SYNE1: variants seen among roughly 807,000 people sequenced by gnomAD.
The protein encoded by SYNE1 is spectrin repeat containing nuclear envelope protein 1.
A neutral mutation model predicts 1,111.0 loss-of-function variants in SYNE1; 616 were observed. The ratio of observed to expected loss-of-function variants is 0.55; its 90% CI spans 0.52 to 0.59. The LOEUF (loss-of-function observed/expected upper bound fraction) is 0.59. Ranked by LOEUF, SYNE1 falls within the 20% of genes least tolerant of loss-of-function variation. The pLI is 0.00. For missense variants in SYNE1, 10,006 were observed against 10,417.0 expected, an observed-to-expected ratio of 0.96 and a Z score of 1.72; for synonymous variants, 3,855 against 3,825.8, an observed-to-expected ratio of 1.01 and a Z score of -0.28.
intron 3 of SYNE1, among the ~76,000 whole-genome samples, chr6:152,563,312 A>G (rs944374285): frequency 1.3e-5 from 2 of 152,164 alleles, no homozygotes; most frequent in Non-Finnish European, 2.9e-5. Context: ...CTATAAAAGC[A>G]TACTATTCTT....
chr6:152,471,233 A>C (rs557634160), intron 16 of SYNE1, among the ~76,000 whole-genome samples: 1 of 152,328 alleles, frequency 6.6e-6, no homozygotes, highest in Non-Finnish European at 1.5e-5. Context: ...ATTTTAAAAG[A>C]CATGAAGGTA....
intron 21 of SYNE1, among the ~76,000 whole-genome samples, chr6:152,459,670 G>A (rs930369424): frequency 1.3e-5 from 2 of 152,164 alleles, no homozygotes; most frequent in African/African-American, 2.4e-5. Flanking sequence ...AGAGCTCCAG[G>A]AGGTGTCTAC....
chr6:152,297,827 G>A (rs866824413), intron 93 of SYNE1, among the ~76,000 whole-genome samples: 14 of 87,220 alleles, frequency 1.6e-4, no homozygotes, highest in East Asian at 6.7e-4. Flanking sequence ...GTGTGTGCGC[G>A]CGCACGTGGC....
rs201118033 is a variant in SYNE1 at position 152,462,917 on chromosome 6, T to G, written c.2098-27A>C. On this transcript the variant is annotated intron_variant, in intron 19 of 145. Coordinates refer to ENST00000367255, the MANE Select transcript of SYNE1 (RefSeq NM_182961.4). ...TGTTAAGGAAAGGGAGGAGGGAACA[T>G]CGTGAAAGCCATTTAGCTGCGACCA... is the stretch of plus-strand genomic sequence containing the variant. 184 of 1,613,510 alleles carry G rather than the reference T, an allele frequency of 1.1e-4. 2 individuals are homozygous for G. In the East Asian group the frequency reaches 3.6e-3, roughly 32 times the overall value.
intron 64 of SYNE1, 32 bp downstream of exon 64, chr6:152,362,137 GA>G (rs1563358449): frequency 6.2e-7 from 1 of 1,614,130 alleles, no homozygotes; most frequent in Non-Finnish European, 8.5e-7. Context: ...AAGCCTGTGA[GA>G]AAACACATGG....
At chr6:152,368,815 G>A in intron 61 of SYNE1, 157 bp downstream of exon 61, 1 of 877,000 alleles carries the variant, frequency 1.1e-6, no homozygotes, top group Non-Finnish European at 1.9e-6. Context: ...AACTCAGATT[G>A]CAAGGCTAAG....
At position 152,206,184 on chromosome 6, in the gene SYNE1, A is replaced by T; in HGVS notation, c.23003T>A (p.Leu7668Gln). Residue 7668 changes from leucine to glutamine, a missense_variant, in exon 126 of 146, where the codon CTA becomes CAA. Around this residue, in one of 7 missense-constraint regions of SYNE1, gnomAD observed 2,182 missense variants for 2,287.8 expected, o/e 0.95. Transcript: ENST00000367255. Reference sequence around the variant, plus strand: ...TGAACTTACTTTCAACAAGAAGGCTAGTTTTTTCTTCTGTTCTTCCAGCCG... The same window carrying T: ...TGAACTTACTTTCAACAAGAAGGCTTGTTTTTTCTTCTGTTCTTCCAGCCG... ...SMRLEEQKKK[L>Q]AFLLKDWEKC... 6.2e-7 allele frequency: 1 copy of T among 1,613,488 alleles called. No homozygotes were observed. Among genetic ancestry groups the T allele is most frequent in the Non-Finnish European group, 8.5e-7 (1 of 1,179,974 alleles).
chr6:152,539,913 A>G (rs771724093), intron 4 of SYNE1, 47 bp downstream of exon 4: 2 of 1,589,408 alleles, frequency 1.3e-6, no homozygotes, highest in Admixed American at 3.3e-5. Context: ...TTAATGATTT[A>G]CTGGCTCAAC....
Position 152,358,401 on chromosome 6 carries a change from G to A in SYNE1, c.10580C>T (p.Thr3527Ile). 1.2e-6 allele frequency: 2 copies of A among 1,614,180 alleles called. No homozygotes were observed. The highest frequency in any genetic ancestry group is 1.7e-6 in the Non-Finnish European group (2 of 1,180,030). Residue 3527 changes from threonine to isoleucine, a missense_variant, in exon 66 of 146, where the codon ACT becomes ATT. Thr to Ile is a moderately conservative substitution (Grantham distance 89). Transcript: ENST00000367255. ...QYSVLEGDAH[T>I]HETTLRDLQE... ...AAGATCACGCAATGTTGTCTCATGAGTGTGGGCATCACCTTCAAGAACTGA... is the reference window on the plus strand; with the variant it reads ...AAGATCACGCAATGTTGTCTCATGAATGTGGGCATCACCTTCAAGAACTGA...
chr6:152,287,810 G>T (rs529455387), intron 95 of SYNE1, among the ~76,000 whole-genome samples: 1 of 152,114 alleles, frequency 6.6e-6, no homozygotes, highest in Non-Finnish European at 1.5e-5. Flanking sequence ...GCCTCCCAAA[G>T]TGCTGGGATT....
Position 152,230,565 on chromosome 6 carries a change from A to G in SYNE1, c.21177T>C (p.Asn7059=), listed in dbSNP as rs1562348873. The G allele has an allele frequency of 1.9e-6, 3 of 1,614,110 alleles. No individual in the cohort carries two copies. Among genetic ancestry groups the G allele is most frequent in the South Asian group, 2.2e-5 (2 of 91,082 alleles). ...AAGTTACCTGACAGTCTTTCAGTGC[A>G]TTTTGAACAGAAGCCTGATCTCCAA... ...HRIGDQASVQ[N]ALKDCQDLED... The change falls in exon 115 of 146, where the codon AAT becomes AAC. Residue 7059 remains asparagine (N), a synonymous_variant. Transcript: ENST00000367255.
At chr6:152,530,823 C>T (rs907864553) in intron 4 of SYNE1, among the ~76,000 whole-genome samples, 11 of 152,064 alleles carry the variant, frequency 7.2e-5, no homozygotes, top group African/African-American at 2.4e-4. Context: ...CGGGGTTTCA[C>T]CGTGTTAGCC....
intron 91 of SYNE1, among the ~76,000 whole-genome samples, chr6:152,306,487 A>ACAATAAAT (rs2095379593): frequency 7.0e-6 from 1 of 142,456 alleles, no homozygotes; most frequent in African/African-American, 2.6e-5. Context: ...CTCCATCTAA[A>ACAATAAAT]AAATAAATAA....
Position 152,428,402 on chromosome 6 carries a change from G to A in SYNE1, c.4789-10C>T, listed in dbSNP as rs372607149. On this transcript the variant is annotated splice_polypyrimidine_tract_variant and intron_variant, in intron 36 of 145. Transcript: ENST00000367255. ...GGGCCTGGCAGAGATCCTAAGAAGA[G>A]TGCGAGAAGAATGCAGTGAAAGCAC... is the stretch of plus-strand genomic sequence containing the variant. 3.7e-6 allele frequency: 6 copies of A among 1,613,026 alleles called. No individual in the cohort carries two copies. The highest frequency in any genetic ancestry group is 2.7e-5 in the African/African-American group (2 of 74,896).
rs369828603 is a variant in SYNE1, at chr6:152,170,306, T to C, written c.23628-5981A>G. Among the ~76,000 whole-genome samples, 70 of 152,352 alleles carry C rather than the reference T, an allele frequency of 4.6e-4. No homozygotes were observed. In the South Asian group the frequency reaches 0.014, roughly 30 times the overall value. ...GGTATATTTATACTATGGAATACTC[T>C]GCAGGTTTCTAAAAGAATGAGACTG... On this transcript the variant is annotated intron_variant, in intron 130 of 145. Transcript: ENST00000367255.
rs750997420 is a variant in SYNE1 at position 152,284,053 on chromosome 6, C to A, written c.18132G>T (p.Gln6044His). Residue 6044 changes from glutamine (Q) to histidine (H), a missense_variant, in exon 96 of 146, where the codon CAG becomes CAT. Coordinates refer to ENST00000367255, the MANE Select transcript of SYNE1 (RefSeq NM_182961.4). ...EADPAEQLALQSTLTVLAERM... is the reference protein window; with the variant it reads ...EADPAEQLALHSTLTVLAERM... Reference sequence around the variant, plus strand: ...GCTCGGCTAAGACAGTGAGCGTGGACTGCAAGGCCAGCTGCTCCGCAGGGT... The same window carrying A: ...GCTCGGCTAAGACAGTGAGCGTGGAATGCAAGGCCAGCTGCTCCGCAGGGT... The A allele has an allele frequency of 1.9e-6, 3 of 1,614,232 alleles. No homozygotes were observed.
chr6:152,279,127 CTCAATTTTTCTTTTCTTT>C (rs897432467), intron 97 of SYNE1, among the ~76,000 whole-genome samples: 5 of 144,408 alleles, frequency 3.5e-5, no homozygotes, highest in African/African-American at 1.3e-4. Flanking sequence ...GCCTGAGCCT[CTCAATTTTTCTTTTCTTT>C]TCTTTTTTTT....
At chr6:152,434,465 ACTGTTT>A (rs1236522843) in intron 33 of SYNE1, 1 of 154,264 alleles carries the variant, frequency 6.5e-6, no homozygotes, top group Non-Finnish European at 1.4e-5. Flanking sequence ...CCGGGCAAGA[ACTGTTT>A]CTATTATTAG....
intron 66 of SYNE1, among the ~76,000 whole-genome samples, chr6:152,355,986 T>C (rs1288704819): frequency 6.6e-6 from 1 of 152,162 alleles, no homozygotes; most frequent in Non-Finnish European, 1.5e-5. Flanking sequence ...AGAAGAACTA[T>C]AGATATACAT....
Sources: gnomAD v4.1 joint callset for allele counts (sites outside exome capture counted in the v4.1 genomes callset) on GRCh38, gnomAD v4.1.1 for gene constraint, gnomAD v4.1.1 regional missense constraint, MANE v1.5 for transcripts, NCBI Gene and HGNC (gene_info 2026-07-23, HGNC 2026-07-21) for gene names.